The following GABRB1 variants were observed in gnomAD, a reference collection of about 807,000 sequenced individuals.
The protein encoded by GABRB1 is gamma-aminobutyric acid type A receptor subunit beta1.
Under a neutral mutation model 51.6 loss-of-function variants are expected in GABRB1, and 17 were observed. That is an observed-to-expected ratio of 0.33 (90% confidence interval 0.23 to 0.49). GABRB1 has a LOEUF of 0.49. Ranked by LOEUF, GABRB1 falls within the 20% of genes least tolerant of loss-of-function variation. The pLI, the probability that GABRB1 is intolerant of heterozygous loss-of-function variation, is 0.99. For missense variants in GABRB1, 410 were observed against 600.6 expected, an observed-to-expected ratio of 0.68 and a Z score of 3.32; for synonymous variants, 247 against 218.9, an observed-to-expected ratio of 1.13 and a Z score of -1.14.
At chr4:47,329,246 A>G (rs1274733042) in intron 5 of GABRB1, among the ~76,000 whole-genome samples, 2 of 151,996 alleles carry the variant, frequency 1.3e-5, no homozygotes, top group Admixed American at 6.6e-5. Flanking sequence ...GACATTCTGA[A>G]TGTTTTAACG....
intron 4 of GABRB1, among the ~76,000 whole-genome samples, chr4:47,205,008 G>C (rs1013720246): frequency 6.6e-6 from 1 of 152,106 alleles, no homozygotes; most frequent in Non-Finnish European, 1.5e-5. Flanking sequence ...GGCTTCAGAG[G>C]CAGCTTCTGT....
At chr4:47,312,571 A>G (rs954319426) in intron 4 of GABRB1, among the ~76,000 whole-genome samples, 2 of 152,182 alleles carry the variant, frequency 1.3e-5, no homozygotes, top group African/African-American at 4.8e-5. Flanking sequence ...AGTGATACTG[A>G]TATCAATCTT....
chr4:47,180,112 C>T (rs569911089), intron 4 of GABRB1, among the ~76,000 whole-genome samples: 10 of 151,954 alleles, frequency 6.6e-5, no homozygotes, highest in South Asian at 2.1e-4. Context: ...GCAGCACAGG[C>T]ACTAGTCACA....
intron 5 of GABRB1, among the ~76,000 whole-genome samples, chr4:47,374,994 C>T (rs1256171267): frequency 6.6e-6 from 1 of 152,166 alleles, no homozygotes; most frequent in African/African-American, 2.4e-5. Context: ...AAATTTAAAG[C>T]AAGTCATACT....
At chr4:47,088,985 TTTC>T (rs1728186815) in intron 3 of GABRB1, among the ~76,000 whole-genome samples, 2 of 152,226 alleles carry the variant, frequency 1.3e-5, no homozygotes. Flanking sequence ...CTGCTGGACT[TTTC>T]TTCTTCTAGC....
At chr4:47,288,765 A>T (rs1723610592) in intron 4 of GABRB1, among the ~76,000 whole-genome samples, 1 of 152,132 alleles carries the variant, frequency 6.6e-6, no homozygotes, top group Non-Finnish European at 1.5e-5. Flanking sequence ...TTAATTACTA[A>T]AATTATCACA....
At chr4:46,998,908 G>T (rs1333115851) in intron 1 of GABRB1, among the ~76,000 whole-genome samples, 1 of 152,026 alleles carries the variant, frequency 6.6e-6, no homozygotes, top group Non-Finnish European at 1.5e-5. Context: ...GTTTAGAAGT[G>T]CTACTCCAAA....
intron 4 of GABRB1, among the ~76,000 whole-genome samples, chr4:47,225,774 A>G (rs1720926196): frequency 6.6e-6 from 1 of 152,186 alleles, no homozygotes; most frequent in Non-Finnish European, 1.5e-5. Flanking sequence ...GTTAATCACC[A>G]TGAAATATTT....
At chr4:47,216,787 G>T (rs1302181198) in intron 4 of GABRB1, among the ~76,000 whole-genome samples, 1 of 151,872 alleles carries the variant, frequency 6.6e-6, no homozygotes, top group Non-Finnish European at 1.5e-5. Context: ...CAGCCATTTT[G>T]ATAAAAAGCT....
intron 8 of GABRB1, among the ~76,000 whole-genome samples, chr4:47,417,760 T>A (rs1728976790): frequency 6.6e-6 from 1 of 152,222 alleles, no homozygotes; most frequent in Admixed American, 6.5e-5. Context: ...CTAATTGAAT[T>A]GGCTAGCAAG....
intron 1 of GABRB1, among the ~76,000 whole-genome samples, chr4:47,026,353 A>C (rs965184759): frequency 2.0e-5 from 3 of 152,036 alleles, no homozygotes; most frequent in Non-Finnish European, 2.9e-5. Context: ...CCAGATAATC[A>C]CCGGGTTGTT....
chr4:47,093,481 C>T (rs1337614532), intron 3 of GABRB1, among the ~76,000 whole-genome samples: 1 of 152,102 alleles, frequency 6.6e-6, no homozygotes, highest in Non-Finnish European at 1.5e-5. Flanking sequence ...TAAGCTTGTC[C>T]ATTAGTTTTG....
At chr4:47,375,565 C>T (rs1727348017) in intron 5 of GABRB1, among the ~76,000 whole-genome samples, 1 of 152,182 alleles carries the variant, frequency 6.6e-6, no homozygotes, top group South Asian at 2.1e-4. Context: ...TTCTGCTCCA[C>T]AGAATCACTC....
intron 5 of GABRB1, among the ~76,000 whole-genome samples, chr4:47,341,994 G>A (rs1725918024): frequency 4.6e-5 from 7 of 152,130 alleles, no homozygotes; most frequent in Admixed American, 4.6e-4. Context: ...TATAGATGAA[G>A]AGAGTGAAAT....
chr4:46,994,659 G>A (rs1350601272), intron 1 of GABRB1, among the ~76,000 whole-genome samples: 2 of 152,128 alleles, frequency 1.3e-5, no homozygotes, highest in African/African-American at 4.8e-5. Context: ...ACTGAGCAAA[G>A]ATAAGCATTC....
chr4:47,348,940 G>T (rs549422877), intron 5 of GABRB1, among the ~76,000 whole-genome samples: 28 of 152,136 alleles, frequency 1.8e-4, no homozygotes, highest in Non-Finnish European at 3.2e-4. Flanking sequence ...ACTTGGTAAA[G>T]TATACAATAT....
intron 5 of GABRB1, among the ~76,000 whole-genome samples, chr4:47,357,025 C>A (rs905474568): frequency 6.6e-6 from 1 of 152,142 alleles, no homozygotes; most frequent in African/African-American, 2.4e-5. Context: ...CCAGTGGTCA[C>A]TTTGATGCTA....
rs139529201 is a variant in GABRB1, at chr4:47,017,178, A to C, written c.-19-14736A>C. On this transcript the variant is annotated intron_variant, in intron 1 of 3. Coordinates refer to the GABRB1 transcript ENST00000513567. ...ATGTGCGGCCTTCTCCATGTTTTAT[A>C]GTTTATGCGTTTATGAAAGTGTTGA... Among the ~76,000 whole-genome samples, 38 of 152,280 alleles carry C rather than the reference A, an allele frequency of 2.5e-4. No individual in the cohort carries two copies. The East Asian group carries it at 6.9e-3, about 28-fold the overall frequency.
chr4:47,025,229 T>C (rs990941395), intron 1 of GABRB1, among the ~76,000 whole-genome samples: 8 of 151,858 alleles, frequency 5.3e-5, no homozygotes, highest in African/African-American at 1.4e-4. Flanking sequence ...ATCTTTTTCA[T>C]ATACTGATTT....
Sources: gnomAD v4.1 joint callset for allele counts (sites outside exome capture counted in the v4.1 genomes callset) on GRCh38, gnomAD v4.1.1 for gene constraint, MANE v1.5 for transcripts, NCBI Gene and HGNC (gene_info 2026-07-23, HGNC 2026-07-21) for gene names.